VEGFA: variants seen among roughly 807,000 people sequenced by gnomAD.
VEGFA encodes the protein vascular endothelial growth factor A, also known as vascular endothelial growth factor A, long form.
In VEGFA, 20 loss-of-function variants were observed where a neutral mutation model predicts 49.7. The observed-to-expected ratio is 0.40, with a 90% CI of 0.28 to 0.58. The LOEUF is 0.58. VEGFA is among the 20% of genes least tolerant of loss of function. The pLI is 0.40. For synonymous variants in VEGFA, 219 were observed against 223.4 expected (o/e 0.98, Z 0.18); for missense variants, 505 against 553.5 (o/e 0.91, Z 0.88).
chr6:43,784,448 C>T (rs1769052663), intron 7 of VEGFA, 93 bp from the exon 8 acceptor site: 7 of 1,284,426 alleles, frequency 5.4e-6, no homozygotes, highest in Non-Finnish European at 8.0e-6. Flanking sequence ...CTGCAGTGAC[C>T]CAGGGGCCCC....
At chr6:43,775,745 T>TTGA (rs777069612) in intron 2 of VEGFA, 2 of 152,224 alleles carry the variant, frequency 1.3e-5, no homozygotes, top group Non-Finnish European at 2.9e-5. Flanking sequence ...TTCACTCTTT[T>TTGA]TGATGATGCT....
At position 43,784,793 on chromosome 6, in the gene VEGFA, C is replaced by G; in HGVS notation, c.*231C>G. ...GCGGAAGCATTCCCGGGCGGGTGAC[C>G]CAGCACGGTCCCTCTTGGAATTGGA... On this transcript the variant is annotated 3_prime_UTR_variant, in exon 8 of 8. Coordinates refer to ENST00000672860, the MANE Select transcript of VEGFA (RefSeq NM_003376.6). 1 of 705,730 alleles carries G rather than the reference C, an allele frequency of 1.4e-6. No homozygotes were observed. Among genetic ancestry groups the G allele is most frequent in the Non-Finnish European group, 2.5e-6 (1 of 392,440 alleles). 43.7% of individuals were successfully genotyped at this position (705,730 alleles called of 1,614,324 possible). A position where few individuals can be genotyped will look rare whatever the true frequency, so the allele number is the denominator to read the frequency against.
rs1242885426 is a variant in VEGFA, at chr6:43,785,889, C to A, written c.*1327C>A. ...ATTCTTGGTTAATATTTAATTTCAA[C>A]TATTTATGAGATGTATCTTTTGCTC... is the stretch of plus-strand genomic sequence containing the variant. On this transcript the variant is annotated 3_prime_UTR_variant, in exon 8 of 8. Transcript: ENST00000672860. 5.4e-6 allele frequency: 1 copy of A among 184,692 alleles called. No homozygotes were observed. Among genetic ancestry groups the A allele is most frequent in the Non-Finnish European group, 1.1e-5 (1 of 87,686 alleles). The allele number at this position is 184,692 out of a possible 1,614,324, so 11.4% of individuals were successfully genotyped here.
At position 43,771,072 on chromosome 6, in the gene VEGFA, G is replaced by C; in HGVS notation, c.366G>C (p.Glu122Asp). ...GGAAGCCGGGCTCATGGACGGGTGA[G>C]GCGGCGGTGTGCGCAGACAGTGCTC... Residue 122 changes from glutamate to aspartate, a missense_variant, in exon 1 of 8, where the codon GAG (glutamate) becomes GAC (aspartate). Coordinates refer to ENST00000672860, the MANE Select transcript of VEGFA (RefSeq NM_003376.6). 1 of 1,502,974 alleles carries C rather than the reference G, an allele frequency of 6.7e-7. No individual in the cohort carries two copies. Among genetic ancestry groups the C allele is most frequent in the Non-Finnish European group, 8.9e-7 (1 of 1,126,690 alleles). The allele number at this position is 1,502,974 out of a possible 1,614,324, so 93.1% of individuals were successfully genotyped here.
chr6:43,781,351 T>C, intron 6 of VEGFA: 1 of 260,104 alleles, frequency 3.8e-6, no homozygotes, highest in Non-Finnish European at 7.5e-6. Flanking sequence ...AGGTGGGGCC[T>C]CTGGAGGGGA....
chr6:43,779,610 C>T (rs1200931219), intron 5 of VEGFA: 4 of 442,702 alleles, frequency 9.0e-6, no homozygotes, highest in Non-Finnish European at 1.8e-5. Context: ...CCTGCCCTTT[C>T]CCCCACACCA....
intron 1 of VEGFA, chr6:43,772,004 G>T: frequency 2.0e-6 from 2 of 985,234 alleles, no homozygotes; most frequent in Non-Finnish European, 2.4e-6. Context: ...CTGGCCGGCC[G>T]CGTGTTCCCG....
chr6:43,771,154 G>A lies in VEGFA; in HGVS notation c.448G>A (p.Ala150Thr). Reference sequence around the variant, plus strand: ...GGCCTCGGGCCGGGGAGGAAGAGTAGCTCGCCGAGGCGCCGAGGAGAGCGG... The same window carrying A: ...GGCCTCGGGCCGGGGAGGAAGAGTAACTCGCCGAGGCGCCGAGGAGAGCGG... The change falls in exon 1 of 8, where the codon GCT (alanine) becomes ACT (threonine). Residue 150 changes from alanine (A) to threonine (T), a missense_variant. Around this residue, in one of 2 missense-constraint regions of VEGFA, gnomAD observed 340 missense variants for 321.8 expected, o/e 1.06. Transcript: ENST00000672860. 2 of 1,543,808 alleles carry A rather than the reference G, an allele frequency of 1.3e-6. No individual in the cohort carries two copies. The highest frequency in any genetic ancestry group is 1.7e-6 in the Non-Finnish European group (2 of 1,148,966).
In VEGFA at chr6:43,784,572, G is replaced by T. The variant is rs1159309955; in HGVS notation, c.*10G>T. ...CAAGCCGAGGCGGTGAGCCGGGCAG[G>T]AGGAAGGAGCCTCCCTCAGGGTTTC... is the stretch of plus-strand genomic sequence containing the variant. On this transcript the variant is annotated 3_prime_UTR_variant, in exon 8 of 8. Coordinates refer to ENST00000672860, the MANE Select transcript of VEGFA (RefSeq NM_003376.6). 8.1e-6 allele frequency: 13 copies of T among 1,614,112 alleles called. No homozygotes were observed. The highest frequency in any genetic ancestry group is 8.5e-7 in the Non-Finnish European group (1 of 1,180,048).
In VEGFA at chr6:43,777,688, G is replaced by T. The variant is rs1561990382; in HGVS notation, c.855+23G>T. The T allele has an allele frequency of 3.9e-6, 3 of 774,770 alleles. No homozygotes were observed. Among genetic ancestry groups the T allele is most frequent in the Non-Finnish European group, 4.2e-6 (2 of 470,646 alleles). 48.0% of individuals were successfully genotyped at this position (774,770 alleles called of 1,614,324 possible). On this transcript the variant is annotated intron_variant, in intron 3 of 7. Coordinates refer to ENST00000672860, the MANE Select transcript of VEGFA (RefSeq NM_003376.6). This position sits in a 1 kb window ranked among gnomAD's most constrained non-coding sequence, Gnocchi z 4.3. ...CAGGTGGGCATCTTTGGGAAGTGGG[G>T]CAAGGGGGGGATAGGGAGGGGGGTA...
intron 5 of VEGFA, chr6:43,780,462 C>A: frequency 2.0e-6 from 1 of 508,026 alleles, no homozygotes; most frequent in Non-Finnish European, 3.6e-6. Context: ...GTCTCGGCTT[C>A]CCACCAAAGC....
Position 43,771,193 on chromosome 6 carries a change from C to A in VEGFA, c.487C>A (p.Pro163Thr). 6.3e-7 allele frequency: 1 copy of A among 1,597,790 alleles called. No homozygotes were observed. Residue 163 changes from proline to threonine, a missense_variant, in exon 1 of 8, where the codon CCG (proline) becomes ACG (threonine). Around this residue, in one of 2 missense-constraint regions of VEGFA, gnomAD observed 340 missense variants for 321.8 expected, o/e 1.06. Coordinates refer to ENST00000672860, the MANE Select transcript of VEGFA (RefSeq NM_003376.6). Reference sequence around the variant, plus strand: ...CGAGGAGAGCGGGCCGCCCCACAGCCCGAGCCGGAGAGGGAGCGCGAGCCG... The same window carrying A: ...CGAGGAGAGCGGGCCGCCCCACAGCACGAGCCGGAGAGGGAGCGCGAGCCG...
At position 43,778,263 on chromosome 6, in the gene VEGFA, T is replaced by G. The variant is rs1766122728; in HGVS notation, c.856-197T>G. On this transcript the variant is annotated intron_variant, in intron 3 of 7. Transcript: ENST00000672860. The stretch of plus-strand genomic sequence containing the variant: ...GGCCTCAAGTGGAACAAGGGCTCCT[T>G]GAGGCCAGCAGGGTTGGGGGAGTTG... 3 of 649,222 alleles carry G rather than the reference T, an allele frequency of 4.6e-6. No individual in the cohort carries two copies. In the South Asian group the frequency reaches 5.1e-5, roughly 11 times the overall value. The allele number at this position is 649,222 out of a possible 1,614,324, so 40.2% of individuals were successfully genotyped here.
At chr6:43,780,848 G>C (rs752153816) in intron 6 of VEGFA, 45 bp downstream of exon 6, 1 of 1,613,118 alleles carries the variant, frequency 6.2e-7, no homozygotes. Context: ...AGCCTCCCTG[G>C]CCCCCAGTAC....
At chr6:43,779,658 C>T (rs774652506) in intron 5 of VEGFA, 2 of 464,864 alleles carry the variant, frequency 4.3e-6, no homozygotes, top group Admixed American at 4.6e-5. Flanking sequence ...CATTGAAGCC[C>T]CCACCAGGCC....
chr6:43,784,658 G>A lies in VEGFA; in HGVS notation c.*96G>A, dbSNP rs1330516915. On this transcript the variant is annotated 3_prime_UTR_variant, in exon 8 of 8. Transcript: ENST00000672860. Reference sequence around the variant, plus strand: ...GAACGATCGATACAGAAACCACGCTGCCGCCACCACACCATCACCATCGAC... The same window carrying A: ...GAACGATCGATACAGAAACCACGCTACCGCCACCACACCATCACCATCGAC... 14 of 1,594,546 alleles carry A rather than the reference G, an allele frequency of 8.8e-6. No individual in the cohort carries two copies. The highest frequency in any genetic ancestry group is 1.2e-5 in the Non-Finnish European group (14 of 1,162,268).
chr6:43,774,138 T>C (rs974202310), intron 1 of VEGFA: 11 of 632,972 alleles, frequency 1.7e-5, no homozygotes, highest in Non-Finnish European at 2.8e-5. Context: ...CTTCCTCGGG[T>C]TCATAACCAT....
intron 7 of VEGFA, 134 bp downstream of exon 7, chr6:43,782,221 C>G (rs1768069370): frequency 1.5e-6 from 2 of 1,328,178 alleles, no homozygotes; most frequent in African/African-American, 1.5e-5. Flanking sequence ...CAGTTTCTAG[C>G]TGCCTGCCTG....
intron 5 of VEGFA, chr6:43,780,497 C>G: frequency 3.4e-6 from 2 of 580,634 alleles, no homozygotes; most frequent in East Asian, 6.4e-5. Context: ...GGTTTGCCAT[C>G]CCATGGTGGG....
Sources: allele counts gnomAD v4.1 joint callset, GRCh38; gene constraint gnomAD v4.1.1; regional missense constraint gnomAD v4.1.1; non-coding constraint Gnocchi (gnomAD v3.1); transcripts MANE v1.5; gene names NCBI Gene and HGNC (gene_info 2026-07-23, HGNC 2026-07-21).